Variants in AMOTL1 observed in about 807,000 individuals in gnomAD.
AMOTL1 encodes angiomotin-like protein 1.
In AMOTL1, 45 loss-of-function variants were observed where a neutral mutation model predicts 102.9. That is an observed-to-expected ratio of 0.44 (90% CI 0.34 to 0.56). AMOTL1 has a LOEUF of 0.56. Ranked by LOEUF, AMOTL1 falls within the 20% of genes least tolerant of loss-of-function variation. The pLI, the probability that AMOTL1 is intolerant of heterozygous loss-of-function variation, is 0.01. For missense variants in AMOTL1, 1,114 were observed against 1,225.6 expected, an observed-to-expected ratio of 0.91 and a Z score of 1.36; for synonymous variants, 481 against 484.7, an observed-to-expected ratio of 0.99 and a Z score of 0.10.
chr11:94,853,728 T>A (rs567393409), intron 7 of AMOTL1, among the ~76,000 whole-genome samples: 26 of 152,292 alleles, frequency 1.7e-4, no homozygotes, highest in Non-Finnish European at 3.1e-4. Flanking sequence ...ATTTCATACA[T>A]CCTAGCCATT....
At chr11:94,818,436 T>C (rs1229874084) in intron 3 of AMOTL1, among the ~76,000 whole-genome samples, 1 of 152,232 alleles carries the variant, frequency 6.6e-6, no homozygotes, top group Non-Finnish European at 1.5e-5. Context: ...CTGAGTTTCC[T>C]TGTGGAATAA....
At chr11:94,762,442 A>G (rs1950805248) in intron 3 of AMOTL1, among the ~76,000 whole-genome samples, 1 of 152,344 alleles carries the variant, frequency 6.6e-6, no homozygotes, top group South Asian at 2.1e-4. Context: ...TCTAGTGGGT[A>G]GAGGCCATCC....
intron 1 of AMOTL1, among the ~76,000 whole-genome samples, chr11:94,716,145 T>C (rs368180086): frequency 6.6e-6 from 1 of 152,174 alleles, no homozygotes; most frequent in African/African-American, 2.4e-5. Flanking sequence ...TAAGCTCATC[T>C]GGTGACTTTT....
chr11:94,825,089 A>AT (rs892039364), intron 4 of AMOTL1, among the ~76,000 whole-genome samples: 12 of 151,740 alleles, frequency 7.9e-5, no homozygotes, highest in East Asian at 7.7e-4. Flanking sequence ...CCTTTTGGTT[A>AT]TTTTTTTTGC....
At chr11:94,818,288 A>G (rs1321965324) in intron 3 of AMOTL1, among the ~76,000 whole-genome samples, 2 of 152,190 alleles carry the variant, frequency 1.3e-5, no homozygotes, top group African/African-American at 2.4e-5. Context: ...CAGGTTCCTG[A>G]CCTGCAGTAA....
chr11:94,743,237 C>T (rs946111719), intron 3 of AMOTL1, among the ~76,000 whole-genome samples: 3 of 152,178 alleles, frequency 2.0e-5, no homozygotes, highest in Non-Finnish European at 2.9e-5. Context: ...ATCCCTAAGG[C>T]GTCTTCCAGT....
At chr11:94,788,623 T>G (rs1951233006) in intron 1 of AMOTL1, among the ~76,000 whole-genome samples, 1 of 152,232 alleles carries the variant, frequency 6.6e-6, no homozygotes, top group African/African-American at 2.4e-5. Context: ...TTAACATACT[T>G]TGCAATAAAA....
rs774432830 is a variant in AMOTL1, at chr11:94,800,126, G to A, written c.936G>A (p.Glu312=). The part of the protein sequence containing the change: ...KVLDPRGPPP[E]YPFKTKQMMS... ...TGGACCCTCGGGGTCCTCCACCTGA[G>A]TACCCCTTCAAGACCAAGCAAATGA... Residue 312 remains glutamate, a synonymous_variant, in exon 3 of 13, where the codon GAG becomes GAA. Coordinates refer to ENST00000433060, the MANE Select transcript of AMOTL1 (RefSeq NM_130847.3). 10 of 1,613,936 alleles carry A rather than the reference G, an allele frequency of 6.2e-6. No individual in the cohort carries two copies. In the South Asian group the frequency reaches 6.6e-5, roughly 11 times the overall value.
At chr11:94,734,920 T>C (rs554006042) in intron 2 of AMOTL1, among the ~76,000 whole-genome samples, 3 of 152,310 alleles carry the variant, frequency 2.0e-5, no homozygotes, top group African/African-American at 7.2e-5. Flanking sequence ...TCTTAACTTG[T>C]TATTATGGCA....
At chr11:94,828,121 C>T (rs1044272395) in intron 4 of AMOTL1, among the ~76,000 whole-genome samples, 2 of 152,162 alleles carry the variant, frequency 1.3e-5, no homozygotes, top group African/African-American at 4.8e-5. Flanking sequence ...CAAACCCAGA[C>T]TGGTTTTCTT....
intron 1 of AMOTL1, among the ~76,000 whole-genome samples, chr11:94,726,440 A>C (rs925212577): frequency 6.6e-6 from 1 of 152,216 alleles, no homozygotes; most frequent in Admixed American, 6.5e-5. Flanking sequence ...CCCAATGTCC[A>C]TCTATGCAGG....
At chr11:94,840,719 C>CAT (rs1555079347) in intron 6 of AMOTL1, among the ~76,000 whole-genome samples, 3 of 133,356 alleles carry the variant, frequency 2.2e-5, no homozygotes, top group Non-Finnish European at 4.8e-5. Context: ...TATATATATA[C>CAT]ATATATATGT....
chr11:94,738,174 T>C (rs1950462148), intron 2 of AMOTL1, among the ~76,000 whole-genome samples: 1 of 151,702 alleles, frequency 6.6e-6, no homozygotes, highest in Admixed American at 6.6e-5. Flanking sequence ...AACAGGCAAA[T>C]GCAGAGTGAT....
chr11:94,830,121 G>T lies in AMOTL1; in HGVS notation c.1485G>T (p.Ser495=). ...TCAAGTCTACCACCAAGCGAGAATC[G>T]CTGGACAAGGCCATGAGAAACAAAT... ...SLVKSTTKRE[S]LDKAMRNKLE... is the part of the protein sequence containing the mutation. Residue 495 remains serine, a synonymous_variant, in exon 5 of 13, where the codon TCG becomes TCT. Transcript: ENST00000433060. 4 of 1,610,712 alleles carry T rather than the reference G, an allele frequency of 2.5e-6. No homozygotes were observed. The highest frequency in any genetic ancestry group is 3.4e-6 in the Non-Finnish European group (4 of 1,178,434).
intron 9 of AMOTL1, among the ~76,000 whole-genome samples, chr11:94,861,636 TGA>T (rs1952775805): frequency 6.6e-6 from 1 of 152,154 alleles, no homozygotes; most frequent in South Asian, 2.1e-4. Context: ...ACATCACATG[TGA>T]AATATAAATG....
At chr11:94,762,548 A>G (rs1056149209) in intron 3 of AMOTL1, among the ~76,000 whole-genome samples, 6 of 152,186 alleles carry the variant, frequency 3.9e-5, no homozygotes, top group Non-Finnish European at 8.8e-5. Flanking sequence ...ATCAGCCAAA[A>G]AAGTATTATG....
intron 3 of AMOTL1, among the ~76,000 whole-genome samples, chr11:94,816,250 G>A (rs1353617707): frequency 9.9e-5 from 15 of 151,994 alleles, no homozygotes; most frequent in Non-Finnish European, 1.8e-4. Flanking sequence ...TATTCCTCGG[G>A]TGCTGTTTGT....
At chr11:94,740,947 T>C (rs1363975673) in exon 3 of AMOTL1, 8 of 1,288,894 alleles carry the variant, frequency 6.2e-6, no homozygotes, top group East Asian at 5.6e-5. Context: ...GACAGTGAGT[T>C]TGTGGAAGCC....
At chr11:94,783,675 C>T (rs1298502020) in intron 1 of AMOTL1, among the ~76,000 whole-genome samples, 2 of 152,214 alleles carry the variant, frequency 1.3e-5, no homozygotes, top group East Asian at 3.8e-4. Flanking sequence ...CAGCTCACCA[C>T]TCCACACTTC....
Sources: gnomAD v4.1 joint callset for allele counts (sites outside exome capture counted in the v4.1 genomes callset) on GRCh38, gnomAD v4.1.1 for gene constraint, MANE v1.5 for transcripts, NCBI Gene and HGNC (gene_info 2026-07-23, HGNC 2026-07-21) for gene names.